The following BMPR1A variants were observed in gnomAD, a reference collection of about 807,000 sequenced individuals.
BMPR1A encodes the protein bone morphogenetic protein receptor type-1A.
In BMPR1A, 7 loss-of-function variants were observed where a neutral mutation model predicts 66.0. That is an observed-to-expected ratio of 0.11 (90% CI 0.06 to 0.20). BMPR1A has a LOEUF of 0.20. BMPR1A is among the 10% of genes least tolerant of loss of function. The pLI is 1.00. For synonymous variants in BMPR1A, 200 were observed against 229.7 expected, an observed-to-expected ratio of 0.87 and a Z score of 1.17; for missense variants, 408 against 669.1, an observed-to-expected ratio of 0.61 and a Z score of 4.31.
Position 86,925,080 on chromosome 10 carries a change from C to CT in BMPR1A, c.*1362dup, listed in dbSNP as rs2133637190. On this transcript the variant is annotated 3_prime_UTR_variant, in exon 13 of 13. Coordinates refer to ENST00000372037, the MANE Select transcript of BMPR1A (RefSeq NM_004329.3). ...TTTTTGGTTTTTTGATTTCTATTCC[C>CT]TAACTTGTGAAGACAATGAAAAATC... The CT allele has an allele frequency of 4.3e-6, 1 of 232,054 alleles. No individual in the cohort carries two copies. Among genetic ancestry groups the CT allele is most frequent in the Non-Finnish European group, 8.5e-6 (1 of 117,400 alleles). The allele number at this position is 232,054 out of a possible 1,614,324, so 14.4% of individuals were successfully genotyped here.
intron 1 of BMPR1A, among the ~76,000 whole-genome samples, chr10:86,803,398 A>T (rs77703952): frequency 0.012 from 1,870 of 152,280 alleles, 34 homozygotes; most frequent in African/African-American, 0.041. Context: ...AACAATTTAC[A>T]TCAGCCACAT....
chr10:86,858,496 G>C (rs1842674263), intron 2 of BMPR1A, among the ~76,000 whole-genome samples: 1 of 152,158 alleles, frequency 6.6e-6, no homozygotes, highest in Non-Finnish European at 1.5e-5. Flanking sequence ...ATCTAAATTG[G>C]AAAGGAGGAA....
intron 2 of BMPR1A, among the ~76,000 whole-genome samples, chr10:86,859,896 A>T (rs1842691434): frequency 6.6e-6 from 1 of 152,212 alleles, no homozygotes; most frequent in African/African-American, 2.4e-5. Flanking sequence ...TTAGACCTAG[A>T]ATCCCACTTC....
At chr10:86,847,614 C>G (rs565060323) in intron 2 of BMPR1A, among the ~76,000 whole-genome samples, 80 of 151,860 alleles carry the variant, frequency 5.3e-4, no homozygotes, top group Non-Finnish European at 7.8e-4. Flanking sequence ...CTCTGGGAGG[C>G]CAAGGTGGGA....
rs575570788 is a variant in BMPR1A at position 86,776,723 on chromosome 10, T to G, written c.-268+19804T>G. Among the ~76,000 whole-genome samples the G allele has an allele frequency of 2.0e-5, 3 of 152,338 alleles. No homozygotes were observed. The East Asian group carries it at 5.8e-4, about 29-fold the overall frequency. ...TTGTAGTTTTCCATGGAACCTTGAC[T>G]GACTTCCTTCTCATTTAATGAAGAT... On this transcript the variant is annotated intron_variant, in intron 1 of 12. Coordinates refer to ENST00000372037, the MANE Select transcript of BMPR1A (RefSeq NM_004329.3).
intron 9 of BMPR1A, among the ~76,000 whole-genome samples, chr10:86,918,776 C>G (rs1356538755): frequency 6.6e-6 from 1 of 152,062 alleles, no homozygotes; most frequent in Non-Finnish European, 1.5e-5. Context: ...GCACTTGCCA[C>G]CATGCCCAAC....
chr10:86,816,527 G>T (rs971981421), intron 1 of BMPR1A, among the ~76,000 whole-genome samples: 8 of 152,186 alleles, frequency 5.3e-5, no homozygotes, highest in African/African-American at 1.9e-4. Flanking sequence ...CAGAAGAGGA[G>T]TACACTACAG....
intron 1 of BMPR1A, among the ~76,000 whole-genome samples, chr10:86,806,340 C>T (rs1053057890): frequency 6.6e-6 from 1 of 152,022 alleles, no homozygotes; most frequent in South Asian, 2.1e-4. Flanking sequence ...ATTTCTTATT[C>T]CTCATAAAAT....
Position 86,900,102 on chromosome 10 carries a change from T to TTCC in BMPR1A, c.506_507insTCC (p.Ile169_Phe170insPro), listed in dbSNP as rs763554505. 3 of 1,613,974 alleles carry TTCC rather than the reference T, an allele frequency of 1.9e-6. No individual in the cohort carries two copies. ...GCTGTCTGCATAATTGCTATGATCA[T>TTCC]CTTCTCCAGCTGCTTTTGTTACAAG... On this transcript the variant is annotated inframe_insertion, in exon 7 of 13. Transcript: ENST00000372037.
chr10:86,907,432 AAAAAAC>A (rs1041724862), intron 7 of BMPR1A, among the ~76,000 whole-genome samples: 18 of 152,356 alleles, frequency 1.2e-4, no homozygotes, highest in African/African-American at 4.1e-4. Flanking sequence ...GAGGTCCCTC[AAAAAAC>A]TAAAATCAGA....
chr10:86,869,366 A>T (rs1160368926), intron 2 of BMPR1A, among the ~76,000 whole-genome samples: 1 of 151,174 alleles, frequency 6.6e-6, no homozygotes, highest in East Asian at 2.0e-4. Flanking sequence ...CTGAAGCAGG[A>T]GAATTGCTTG....
At chr10:86,850,976 T>G (rs938526954) in intron 2 of BMPR1A, among the ~76,000 whole-genome samples, 8 of 152,232 alleles carry the variant, frequency 5.3e-5, no homozygotes, top group African/African-American at 1.9e-4. Context: ...ACCGGTAAAC[T>G]TAGCGCTGAA....
chr10:86,867,083 A>G (rs769766123), intron 2 of BMPR1A, among the ~76,000 whole-genome samples: 2 of 152,210 alleles, frequency 1.3e-5, no homozygotes, highest in Non-Finnish European at 2.9e-5. Context: ...CATCTGTTTT[A>G]GGCTAGACTC....
Position 86,927,932 on chromosome 10 carries a change from A to G in BMPR1A, c.*4213A>G, listed in dbSNP as rs1015363993. 3.3e-5 allele frequency: 6 copies of G among 184,038 alleles called. No homozygotes were observed. Among genetic ancestry groups the G allele is most frequent in the African/African-American group, 1.2e-4 (5 of 42,612 alleles). The allele number at this position is 184,038 out of a possible 1,614,324, so 11.4% of individuals were successfully genotyped here. ...TTGTTCTATATACAGATTATGTCCA[A>G]TGTATCATTTTGAAGTAAATAACCT... On this transcript the variant is annotated 3_prime_UTR_variant, in exon 13 of 13. Coordinates refer to ENST00000372037, the MANE Select transcript of BMPR1A (RefSeq NM_004329.3).
At chr10:86,858,388 A>G (rs1842673122) in intron 2 of BMPR1A, among the ~76,000 whole-genome samples, 1 of 152,188 alleles carries the variant, frequency 6.6e-6, no homozygotes, top group Non-Finnish European at 1.5e-5. Flanking sequence ...TTGTGTTTAT[A>G]TCAGTGTTTT....
intron 1 of BMPR1A, among the ~76,000 whole-genome samples, chr10:86,775,164 C>T (rs1053010948): frequency 3.3e-5 from 5 of 152,166 alleles, no homozygotes; most frequent in African/African-American, 1.2e-4. Flanking sequence ...CCAAGAAAAT[C>T]GATTGACAAA....
intron 2 of BMPR1A, among the ~76,000 whole-genome samples, chr10:86,852,347 A>C (rs1401874625): frequency 6.6e-6 from 1 of 152,178 alleles, no homozygotes; most frequent in Non-Finnish European, 1.5e-5. Flanking sequence ...GTGAACACCT[A>C]GAACAAAACA....
At chr10:86,785,740 G>A (rs555759862) in intron 1 of BMPR1A, among the ~76,000 whole-genome samples, 9 of 152,286 alleles carry the variant, frequency 5.9e-5, no homozygotes, top group Admixed American at 4.6e-4. Context: ...CTGTTACTGG[G>A]TTACTGTCTG....
intron 2 of BMPR1A, among the ~76,000 whole-genome samples, chr10:86,871,665 C>T (rs952289301): frequency 2.0e-5 from 3 of 151,984 alleles, no homozygotes; most frequent in African/African-American, 7.3e-5. Context: ...ACAAAATTAG[C>T]CAGGCTTGGT....
Sources: allele counts gnomAD v4.1 joint callset (sites outside exome capture counted in the v4.1 genomes callset), GRCh38; gene constraint gnomAD v4.1.1; transcripts MANE v1.5; gene names NCBI Gene and HGNC (gene_info 2026-07-23, HGNC 2026-07-21).